NUFIP2: variants seen among roughly 807,000 people sequenced by gnomAD.
The protein encoded by NUFIP2 is FMR1-interacting protein NUFIP2.
A neutral mutation model predicts 56.9 loss-of-function variants in NUFIP2; 6 were observed. The observed-to-expected ratio is 0.11, with a 90% CI of 0.06 to 0.21. NUFIP2 has a LOEUF of 0.21. NUFIP2 is among the 10% of genes least tolerant of loss of function. The pLI, the probability that NUFIP2 is intolerant of heterozygous loss-of-function variation, is 1.00. For missense variants in NUFIP2, 828 were observed against 826.8 expected (o/e 1.00, Z -0.02); for synonymous variants, 321 against 298.2 (o/e 1.08, Z -0.79).
At position 29,285,477 on chromosome 17, in the gene NUFIP2, G is replaced by C. The variant is rs187755334; in HGVS notation, c.2002+515C>G. ...ATGGTGGTGCGTGCCTGTAATCTCA[G>C]CTACTCAGGAGGCTGAGGCAGGAGA... On this transcript the variant is annotated intron_variant, in intron 2 of 3. Coordinates refer to ENST00000225388, the MANE Select transcript of NUFIP2 (RefSeq NM_020772.3). Among the ~76,000 whole-genome samples, 404 of 151,872 alleles carry C rather than the reference G, an allele frequency of 2.7e-3. 3 individuals are homozygous for C. Among genetic ancestry groups the C allele is most frequent in the Non-Finnish European group, 1.8e-3 (124 of 67,986 alleles).
At chr17:29,283,908 T>A (rs940892084) in intron 2 of NUFIP2, among the ~76,000 whole-genome samples, 11 of 152,202 alleles carry the variant, frequency 7.2e-5, no homozygotes, top group African/African-American at 2.7e-4. Context: ...TTCCTAAACT[T>A]CCATTAAGCA....
chr17:29,273,015 AAT>A (rs3085674), intron 2 of NUFIP2, among the ~76,000 whole-genome samples: 31,550 of 145,052 alleles, frequency 0.22, 3,561 homozygotes, highest in South Asian at 0.34. Flanking sequence ...AGGCCCAGCT[AAT>A]ATATATATAT....
intron 2 of NUFIP2, among the ~76,000 whole-genome samples, chr17:29,273,525 CAG>C (rs1555548171): frequency 7.9e-4 from 118 of 148,830 alleles, no homozygotes; most frequent in African/African-American, 2.9e-3. Context: ...CACACACACA[CAG>C]ACACACAGCA....
chr17:29,284,370 G>A (rs775003225), intron 2 of NUFIP2, among the ~76,000 whole-genome samples: 1 of 152,064 alleles, frequency 6.6e-6, no homozygotes, highest in South Asian at 2.1e-4. Flanking sequence ...GCCATACAGC[G>A]AATTTTTCTT....
intron 1 of NUFIP2, among the ~76,000 whole-genome samples, chr17:29,292,779 C>A (rs1213146816): frequency 6.7e-6 from 1 of 149,464 alleles, no homozygotes; most frequent in Non-Finnish European, 1.5e-5. Flanking sequence ...CCGCTCCCCT[C>A]GTGGCCGCTT....
intron 2 of NUFIP2, among the ~76,000 whole-genome samples, chr17:29,282,897 T>A (rs1402397758): frequency 6.6e-6 from 1 of 152,112 alleles, no homozygotes; most frequent in Non-Finnish European, 1.5e-5. Context: ...ATAAAAGATC[T>A]CCAAATATAA....
chr17:29,280,881 G>C (rs568881312), intron 2 of NUFIP2, among the ~76,000 whole-genome samples: 1 of 151,564 alleles, frequency 6.6e-6, no homozygotes, highest in Non-Finnish European at 1.5e-5. Context: ...CCAGTTACTC[G>C]GGAGGCTGAG....
chr17:29,286,829 C>T lies in NUFIP2; in HGVS notation c.1165G>A (p.Glu389Lys), dbSNP rs1464600460. The change falls in exon 2 of 4, where the codon GAA becomes AAA. Residue 389 changes from glutamate (E) to lysine (K), a missense_variant. By Grantham distance (56) the Glu-to-Lys change is moderately conservative. This residue lies in a region of NUFIP2 where 404 missense variants were observed against 380.3 expected (regional missense o/e 1.06). Coordinates refer to ENST00000225388, the MANE Select transcript of NUFIP2 (RefSeq NM_020772.3). ...CGACTTGATGATTGGGTCTGAGTTT[C>T]CCCGGTAGATGATGAAGATGATGAA... ...SSSSSSSSTG[E>K]TQTQSSSRLS... 1 of 1,614,086 alleles carries T rather than the reference C, an allele frequency of 6.2e-7. No homozygotes were observed. Among genetic ancestry groups the T allele is most frequent in the South Asian group, 1.1e-5 (1 of 91,074 alleles).
chr17:29,293,520 A>T (rs2069231457), intron 1 of NUFIP2, among the ~76,000 whole-genome samples: 4 of 152,108 alleles, frequency 2.6e-5, no homozygotes. Flanking sequence ...AGGCCGACCC[A>T]GCAGGTCTCC....
Position 29,286,340 on chromosome 17 carries a change from T to C in NUFIP2, c.1654A>G (p.Ile552Val). The change falls in exon 2 of 4, where the codon ATT becomes GTT. Residue 552 changes from isoleucine to valine, a missense_variant. Coordinates refer to ENST00000225388, the MANE Select transcript of NUFIP2 (RefSeq NM_020772.3). The stretch of plus-strand genomic sequence containing the variant: ...ACAGGATGCTCAGTTCCTGAGGGAA[T>C]TATTTCAGCACCCTGTGAAACCAAA... ...ATLVSQGAEI[I>V]PSGTEHPVFP... 1.9e-6 allele frequency: 3 copies of C among 1,614,160 alleles called. No homozygotes were observed. Among genetic ancestry groups the C allele is most frequent in the Non-Finnish European group, 2.5e-6 (3 of 1,180,014 alleles).
intron 1 of NUFIP2, among the ~76,000 whole-genome samples, chr17:29,293,484 A>G (rs1363412032): frequency 6.6e-6 from 1 of 152,018 alleles, no homozygotes; most frequent in African/African-American, 2.4e-5. Flanking sequence ...GGTGAATGGG[A>G]AAAGAATAAT....
rs1300464950 is a variant in NUFIP2 at position 29,255,846 on chromosome 17, T to C, written c.*8693A>G. On this transcript the variant is annotated 3_prime_UTR_variant, in exon 4 of 4. Transcript: ENST00000225388. ...AAGATAACAAACACCTCAGAAACTT[T>C]AAAATTTTTTATTCAACAATGTACA... 6.6e-6 allele frequency: 1 copy of C among 152,224 alleles called. No homozygotes were observed. Among genetic ancestry groups the C allele is most frequent in the African/African-American group, 2.4e-5 (1 of 41,450 alleles). The allele number at this position is 152,224 out of a possible 1,614,324, so 9.4% of individuals were successfully genotyped here. A position where few individuals can be genotyped will look rare whatever the true frequency, so the allele number is the denominator to read the frequency against.
chr17:29,281,860 G>C (rs577153590), intron 2 of NUFIP2, among the ~76,000 whole-genome samples: 1 of 151,540 alleles, frequency 6.6e-6, no homozygotes, highest in Admixed American at 6.6e-5. Context: ...CACCTCCCGG[G>C]TTCACGCCAT....
At position 29,257,678 on chromosome 17, in the gene NUFIP2, T is replaced by G. The variant is rs948566525; in HGVS notation, c.*6861A>C. On this transcript the variant is annotated 3_prime_UTR_variant, in exon 4 of 4. Transcript: ENST00000225388. ...TCATAGCTCACACAGAATTCCAAAT[T>G]AAAGTGGACTCCATTATCTCCCTAT... 8 of 152,170 alleles carry G rather than the reference T, an allele frequency of 5.3e-5. No individual in the cohort carries two copies. Among genetic ancestry groups the G allele is most frequent in the African/African-American group, 1.9e-4 (8 of 41,446 alleles). 9.4% of individuals were successfully genotyped at this position (152,170 alleles called of 1,614,324 possible).
rs1390353623 is a variant in NUFIP2, at chr17:29,286,452, C to T, written c.1542G>A (p.Glu514=). ...TAACAGTCTCAGGGCCAGCACTGGG[C>T]TCATTTATAAATGATAAACCCCACT... The part of the protein sequence containing the change: ...QNQWGLSFIN[E]PSAGPETVTG... The change falls in exon 2 of 4, where the codon GAG becomes GAA. Residue 514 remains glutamate (E), a synonymous_variant. Transcript: ENST00000225388. 1.2e-6 allele frequency: 2 copies of T among 1,614,132 alleles called. No homozygotes were observed. The highest frequency in any genetic ancestry group is 3.3e-5 in the Admixed American group (2 of 60,018).
At chr17:29,293,238 C>A (rs569690328) in intron 1 of NUFIP2, among the ~76,000 whole-genome samples, 1 of 151,666 alleles carries the variant, frequency 6.6e-6, no homozygotes, top group African/African-American at 2.4e-5. Context: ...CCAACAGCCC[C>A]CCCCACCGAG....
intron 2 of NUFIP2, among the ~76,000 whole-genome samples, chr17:29,273,515 C>G (rs1032370365): frequency 2.2e-5 from 3 of 138,956 alleles, no homozygotes; most frequent in East Asian, 2.4e-4. Context: ...CACACACACA[C>G]ACACACACAC....
At position 29,276,940 on chromosome 17, in the gene NUFIP2, A is replaced by G. The variant is rs2069111691; in HGVS notation, c.2002+9052T>C. On this transcript the variant is annotated intron_variant, in intron 2 of 3. Transcript: ENST00000225388. ...CATTTAATTATTAAATCCCTCAAGG[A>G]AAAAGACTGAAGCTAAAAGGGCTAA... Among the ~76,000 whole-genome samples, 5 of 152,238 alleles carry G rather than the reference A, an allele frequency of 3.3e-5. No individual in the cohort carries two copies. In the South Asian group the frequency reaches 1.0e-3, roughly 31 times the overall value.
rs373146104 is a variant in NUFIP2, at chr17:29,264,375, C to CTA, written c.*162_*163dup. ...ACTTTCAGTTGCCTTTTTTAAATAA[C>CTA]TATATATATATATATGTATATATAT... On this transcript the variant is annotated 3_prime_UTR_variant, in exon 4 of 4. Coordinates refer to ENST00000225388, the MANE Select transcript of NUFIP2 (RefSeq NM_020772.3). The CTA allele has an allele frequency of 0.083, 17,151 of 206,430 alleles. 773 individuals are homozygous for CTA. Among genetic ancestry groups the CTA allele is most frequent in the South Asian group, 0.18 (998 of 5,538 alleles). 12.8% of individuals were successfully genotyped at this position (206,430 alleles called of 1,614,324 possible).
Sources: allele counts gnomAD v4.1 joint callset (sites outside exome capture counted in the v4.1 genomes callset), GRCh38; gene constraint gnomAD v4.1.1; regional missense constraint gnomAD v4.1.1; transcripts MANE v1.5; gene names NCBI Gene and HGNC (gene_info 2026-07-23, HGNC 2026-07-21).